GSK3B: variants seen among roughly 807,000 people sequenced by gnomAD.
GSK3B encodes glycogen synthase kinase-3 beta.
Under a neutral mutation model 56.4 loss-of-function variants are expected in GSK3B, and 15 were observed. That is an observed-to-expected ratio of 0.27 (90% confidence interval 0.18 to 0.41). The LOEUF (loss-of-function observed/expected upper bound fraction) is 0.41, where lower values mean the gene tolerates loss of function less well. GSK3B is among the 10% of genes least tolerant of loss of function. The pLI is 1.00. For missense variants in GSK3B, 300 were observed against 513.4 expected (o/e 0.58, Z 4.02); for synonymous variants, 181 against 188.9 (o/e 0.96, Z 0.34).
intron 6 of GSK3B, among the ~76,000 whole-genome samples, chr3:119,906,531 T>C (rs2056684205): frequency 6.6e-6 from 1 of 152,116 alleles, no homozygotes; most frequent in Admixed American, 6.6e-5. Context: ...AAAGTATACA[T>C]CCTGGTTTAC....
intron 7 of GSK3B, among the ~76,000 whole-genome samples, chr3:119,904,263 C>T (rs1456845925): frequency 2.0e-5 from 3 of 151,968 alleles, no homozygotes; most frequent in Non-Finnish European, 4.4e-5. Context: ...GGCCAAGCTC[C>T]GTATTCAAGC....
At chr3:120,019,929 G>A (rs1292197510) in intron 1 of GSK3B, among the ~76,000 whole-genome samples, 1 of 152,128 alleles carries the variant, frequency 6.6e-6, no homozygotes, top group Non-Finnish European at 1.5e-5. Flanking sequence ...GGCTTTTGTA[G>A]GATAGCCTGG....
chr3:119,979,616 T>C (rs2057441649), intron 2 of GSK3B, among the ~76,000 whole-genome samples: 1 of 152,210 alleles, frequency 6.6e-6, no homozygotes, highest in Non-Finnish European at 1.5e-5. Context: ...AAACTATGAG[T>C]ATATTCAAAA....
chr3:120,036,541 T>C (rs111455827), intron 1 of GSK3B, among the ~76,000 whole-genome samples: 3,935 of 152,104 alleles, frequency 0.026, 172 homozygotes, highest in African/African-American at 0.089. Context: ...GCCTGTAATC[T>C]CAGCACTTTG....
intron 2 of GSK3B, among the ~76,000 whole-genome samples, chr3:119,971,078 C>T (rs758998440): frequency 5.9e-5 from 9 of 152,140 alleles, no homozygotes; most frequent in Non-Finnish European, 1.3e-4. Flanking sequence ...GATATACTGA[C>T]TTCTCAAAGT....
chr3:120,055,778 C>G (rs1369048303), intron 1 of GSK3B, among the ~76,000 whole-genome samples: 1 of 152,034 alleles, frequency 6.6e-6, no homozygotes, highest in Admixed American at 6.5e-5. Context: ...GATCTTTCAA[C>G]AAAGAATATT....
chr3:119,944,476 C>A (rs980737039), intron 3 of GSK3B, among the ~76,000 whole-genome samples: 1 of 152,158 alleles, frequency 6.6e-6, no homozygotes, highest in African/African-American at 2.4e-5. Context: ...CCTAAAGGCA[C>A]TGGTTTCCTT....
chr3:119,978,668 CT>C (rs1259641301), intron 2 of GSK3B, among the ~76,000 whole-genome samples: 2 of 151,480 alleles, frequency 1.3e-5, no homozygotes, highest in Non-Finnish European at 2.9e-5. Flanking sequence ...CTCATCCTCC[CT>C]TTTTTTTTCT....
intron 7 of GSK3B, among the ~76,000 whole-genome samples, chr3:119,901,842 C>A (rs1025252759): frequency 4.0e-4 from 61 of 152,076 alleles, no homozygotes; most frequent in African/African-American, 1.4e-3. Flanking sequence ...GGCAAGTCTA[C>A]CACATAAAAA....
intron 2 of GSK3B, among the ~76,000 whole-genome samples, chr3:119,963,300 T>A (rs985793183): frequency 6.6e-6 from 1 of 152,290 alleles, no homozygotes; most frequent in South Asian, 2.1e-4. Flanking sequence ...ACAACCCCTA[T>A]CAAAATCCTA....
chr3:119,952,867 A>C (rs961627438), intron 2 of GSK3B, among the ~76,000 whole-genome samples: 29 of 152,166 alleles, frequency 1.9e-4, no homozygotes, highest in African/African-American at 7.0e-4. Flanking sequence ...TTGAGCTAAA[A>C]GAAAATGACA....
chr3:120,005,664 T>C (rs897157214), intron 1 of GSK3B, among the ~76,000 whole-genome samples: 8 of 152,138 alleles, frequency 5.3e-5, no homozygotes, highest in Non-Finnish European at 1.0e-4. Context: ...GAATTTCATA[T>C]CCCGCCAAAC....
chr3:120,079,334 ACACACACACACACAC>A (rs2058395297), intron 1 of GSK3B, among the ~76,000 whole-genome samples: 1 of 146,622 alleles, frequency 6.8e-6, no homozygotes, highest in Non-Finnish European at 1.5e-5. Context: ...ACACACACAC[ACACACACACACACAC>A]ATTTTTTTTT....
chr3:119,891,409 G>T (rs889228960), intron 7 of GSK3B, among the ~76,000 whole-genome samples: 11 of 151,994 alleles, frequency 7.2e-5, no homozygotes, highest in Non-Finnish European at 1.5e-4. Flanking sequence ...CAACCTCTGA[G>T]TATATCTTTA....
chr3:119,946,864 T>A (rs2057104885), intron 3 of GSK3B, among the ~76,000 whole-genome samples: 1 of 152,154 alleles, frequency 6.6e-6, no homozygotes, highest in African/African-American at 2.4e-5. Flanking sequence ...TCTGTTCCTA[T>A]CAGTCCTCTT....
chr3:120,092,064 G>C (rs2058517243), intron 1 of GSK3B, among the ~76,000 whole-genome samples: 1 of 152,038 alleles, frequency 6.6e-6, no homozygotes, highest in African/African-American at 2.4e-5. Context: ...AAATTAATTT[G>C]TCTTTGCCCT....
At chr3:120,088,676 T>C (rs2058485932) in intron 1 of GSK3B, among the ~76,000 whole-genome samples, 1 of 152,092 alleles carries the variant, frequency 6.6e-6, no homozygotes, top group Non-Finnish European at 1.5e-5. Flanking sequence ...TGATAAACAT[T>C]CCAACAAATT....
intron 1 of GSK3B, among the ~76,000 whole-genome samples, chr3:120,032,303 C>T (rs992281902): frequency 2.6e-5 from 4 of 151,930 alleles, no homozygotes; most frequent in Non-Finnish European, 4.4e-5. Context: ...GGTGAAACCC[C>T]GTCTCTACTA....
intron 7 of GSK3B, among the ~76,000 whole-genome samples, chr3:119,903,972 T>C (rs887654544): frequency 6.6e-6 from 1 of 152,104 alleles, no homozygotes. Context: ...ATTAACAGAT[T>C]TGCCATCAAT....
Sources: allele counts gnomAD v4.1 joint callset (sites outside exome capture counted in the v4.1 genomes callset), GRCh38; gene constraint gnomAD v4.1.1; transcripts MANE v1.5; gene names NCBI Gene and HGNC (gene_info 2026-07-23, HGNC 2026-07-21).